ZFHX4: variants seen among roughly 807,000 people sequenced by gnomAD.
ZFHX4 encodes the protein zinc finger homeobox protein 4.
Under a neutral mutation model 267.6 loss-of-function variants are expected in ZFHX4, and 56 were observed. The ratio of observed to expected loss-of-function variants is 0.21; its 90% confidence interval spans 0.17 to 0.26. The LOEUF (loss-of-function observed/expected upper bound fraction) is 0.26. ZFHX4 is among the 10% of genes least tolerant of loss of function. ZFHX4 has a pLI of 1.00. For synonymous variants in ZFHX4, 1,778 were observed against 1,665.6 expected, an observed-to-expected ratio of 1.07 and a Z score of -1.64; for missense variants, 4,332 against 4,420.0, an observed-to-expected ratio of 0.98 and a Z score of 0.56.
Position 76,706,291 on chromosome 8 carries a change from G to A in ZFHX4, c.2203G>A (p.Gly735Ser). The part of the protein sequence containing the change: ...NNVQNLQNGN[G>S]EQVFGHSAPA... ...TGTTCAGAATCTCCAAAATGGCAAT[G>A]GTGAGCAGGTGTTTGGCCACTCTGC... Residue 735 changes from glycine to serine, a missense_variant, in exon 2 of 11, where the codon GGT (glycine) becomes AGT (serine). Gly to Ser is a moderately conservative substitution (Grantham distance 56). Around this residue, in one of 7 missense-constraint regions of ZFHX4, gnomAD observed 1,195 missense variants for 1,173.6 expected, o/e 1.02. Coordinates refer to ENST00000651372, the MANE Select transcript of ZFHX4 (RefSeq NM_024721.5). 6.2e-7 allele frequency: 1 copy of A among 1,614,092 alleles called. No homozygotes were observed.
chr8:76,752,374 G>A (rs1369697810), intron 3 of ZFHX4, among the ~76,000 whole-genome samples: 1 of 150,488 alleles, frequency 6.6e-6, no homozygotes, highest in East Asian at 1.9e-4. Context: ...AGGTGCAGTG[G>A]CTCACACCTG....
Position 76,854,260 on chromosome 8 carries a change from C to T in ZFHX4, c.7339C>T (p.Gln2447Ter). ...DPPQASTAQP[Q>*]PQPQPPKQPQ... ...ACCACAGGCATCCACAGCCCAGCCA[C>T]AGCCACAGCCACAGCCACCAAAACA... Residue 2447 changes from glutamine to a stop codon, truncating the protein, a stop_gained, in exon 10 of 11, where the codon CAG (glutamine) becomes TAG (stop). Coordinates refer to ENST00000651372, the MANE Select transcript of ZFHX4 (RefSeq NM_024721.5). LOFTEE classifies it high-confidence loss of function. The T allele has an allele frequency of 6.3e-7, 1 of 1,578,410 alleles. No homozygotes were observed. Among genetic ancestry groups the T allele is most frequent in the Non-Finnish European group, 8.6e-7 (1 of 1,162,226 alleles).
At chr8:76,746,848 T>C (rs549074872) in intron 3 of ZFHX4, among the ~76,000 whole-genome samples, 31 of 152,318 alleles carry the variant, frequency 2.0e-4, no homozygotes, top group Non-Finnish European at 4.3e-4. Context: ...CATTTCACCC[T>C]GCTGATGGTC....
intron 4 of ZFHX4, among the ~76,000 whole-genome samples, chr8:76,799,263 CAATT>C (rs1355196267): frequency 6.6e-6 from 1 of 152,144 alleles, no homozygotes; most frequent in Non-Finnish European, 1.5e-5. Context: ...TTTTCAGCAT[CAATT>C]AATTTTCTTC....
rs1179498991 is a variant in ZFHX4, at chr8:76,704,075, A to C, written c.-14A>C. On this transcript the variant is annotated 5_prime_UTR_variant, in exon 2 of 11. An upstream start codon of the reference 5' UTR is lost. Coordinates refer to ENST00000651372, the MANE Select transcript of ZFHX4 (RefSeq NM_024721.5). ...ACAGGCTGGATGAAATGAGATCCCC[A>C]TGTAGCAATTGCCATGGAAACCTGT... 6.3e-7 allele frequency: 1 copy of C among 1,592,726 alleles called. No homozygotes were observed. Among genetic ancestry groups the C allele is most frequent in the Non-Finnish European group, 8.5e-7 (1 of 1,169,686 alleles).
chr8:76,850,056 T>A (rs1037666119), intron 8 of ZFHX4, 189 bp from the exon 9 acceptor site: 7 of 589,780 alleles, frequency 1.2e-5, no homozygotes, highest in Non-Finnish European at 2.1e-5. Flanking sequence ...ATAATAATAA[T>A]AATACAACAT....
chr8:76,864,658 C>A lies in ZFHX4; in HGVS notation c.*93C>A. 1 of 903,740 alleles carries A rather than the reference C, an allele frequency of 1.1e-6. No homozygotes were observed. The highest frequency in any genetic ancestry group is 1.6e-6 in the Non-Finnish European group (1 of 622,906). The allele number at this position is 903,740 out of a possible 1,614,324, so 56.0% of individuals were successfully genotyped here. A position where few individuals can be genotyped will look rare whatever the true frequency, so the allele number is the denominator to read the frequency against. On this transcript the variant is annotated 3_prime_UTR_variant, in exon 11 of 11. Transcript: ENST00000651372. Reference sequence around the variant, plus strand: ...ACTGCAGTTCCAAAGCTTCTCTAACCCAAAAATTACAGTACCAAATGATTG... The same window carrying A: ...ACTGCAGTTCCAAAGCTTCTCTAACACAAAAATTACAGTACCAAATGATTG...
At chr8:76,849,453 A>G in intron 7 of ZFHX4, 59 bp from the exon 8 acceptor site, 1 of 1,455,324 alleles carries the variant, frequency 6.9e-7, no homozygotes, top group Non-Finnish European at 9.6e-7. Flanking sequence ...TACAACTACT[A>G]TGTATCAAAT....
At chr8:76,769,681 A>G (rs1810208861) in intron 3 of ZFHX4, among the ~76,000 whole-genome samples, 1 of 152,124 alleles carries the variant, frequency 6.6e-6, no homozygotes, top group Non-Finnish European at 1.5e-5. Flanking sequence ...TATTGGGACA[A>G]TTTCACTTGG....
chr8:76,826,943 C>T (rs572778282), intron 4 of ZFHX4, among the ~76,000 whole-genome samples: 1 of 152,248 alleles, frequency 6.6e-6, no homozygotes, highest in East Asian at 1.9e-4. Context: ...CAAACAAAGG[C>T]TATTATTGGG....
intron 3 of ZFHX4, among the ~76,000 whole-genome samples, chr8:76,724,422 G>GT (rs1193859273): frequency 6.6e-6 from 1 of 152,018 alleles, no homozygotes; most frequent in Non-Finnish European, 1.5e-5. Flanking sequence ...CTCTTTCCAA[G>GT]TAAGTCATTG....
rs1809387750 is a variant in ZFHX4 at position 76,743,942 on chromosome 8, AT to A, written c.3094-34265del. 2.0e-5 allele frequency among the ~76,000 whole-genome samples: 3 copies of A among 152,192 alleles called. No homozygotes were observed. The South Asian group carries it at 6.2e-4, about 31-fold the overall frequency. On this transcript the variant is annotated intron_variant, in intron 3 of 10. Transcript: ENST00000651372. The stretch of plus-strand genomic sequence containing the variant: ...GAAGAAAGAGTTTGGCCTATTTTAA[AT>A]ATTGCAGTATTGATTGAATATAGCT...
intron 3 of ZFHX4, among the ~76,000 whole-genome samples, chr8:76,731,228 T>C (rs1459364958): frequency 3.3e-5 from 5 of 152,144 alleles, no homozygotes; most frequent in Non-Finnish European, 5.9e-5. Flanking sequence ...TCAGACCCTG[T>C]ATATGTAAAA....
intron 4 of ZFHX4, among the ~76,000 whole-genome samples, chr8:76,830,378 A>G (rs908326243): frequency 9.2e-5 from 14 of 152,242 alleles, no homozygotes; most frequent in African/African-American, 3.4e-4. Flanking sequence ...GGGCTGGAGA[A>G]CACAAATTAG....
At chr8:76,791,507 C>T (rs944064358) in intron 4 of ZFHX4, among the ~76,000 whole-genome samples, 4 of 152,046 alleles carry the variant, frequency 2.6e-5, no homozygotes, top group Non-Finnish European at 4.4e-5. Flanking sequence ...TATTGGCATA[C>T]CAAATTTGAG....
chr8:76,854,890 C>A lies in ZFHX4; in HGVS notation c.7969C>A (p.Arg2657=), dbSNP rs780896464. 4.4e-5 allele frequency: 71 copies of A among 1,612,650 alleles called. No individual in the cohort carries two copies. In the Admixed American group the frequency reaches 1.1e-3, roughly 25 times the overall value. The change falls in exon 10 of 11, where the codon CGA becomes AGA. Residue 2657 remains arginine (R), a synonymous_variant. Coordinates refer to ENST00000651372, the MANE Select transcript of ZFHX4 (RefSeq NM_024721.5). ...RVVQVWFQNT[R]ARERKGQFRA... ...CGTGCAAGTCTGGTTCCAGAATACA[C>A]GAGCGCGGGAGAGGAAAGGCCAGTT... is the stretch of plus-strand genomic sequence containing the variant.
At chr8:76,818,885 C>A (rs528150072) in intron 4 of ZFHX4, among the ~76,000 whole-genome samples, 33 of 152,112 alleles carry the variant, frequency 2.2e-4, no homozygotes, top group Middle Eastern at 3.4e-3. Flanking sequence ...ACACTGCACT[C>A]CAGCCTAGGT....
intron 4 of ZFHX4, among the ~76,000 whole-genome samples, chr8:76,821,820 T>C (rs1430105402): frequency 6.6e-6 from 1 of 152,216 alleles, no homozygotes; most frequent in Non-Finnish European, 1.5e-5. Flanking sequence ...GGTTGTAGAC[T>C]GCTACAGTGC....
intron 3 of ZFHX4, among the ~76,000 whole-genome samples, chr8:76,738,284 A>G (rs954444197): frequency 2.6e-5 from 4 of 152,176 alleles, no homozygotes; most frequent in Non-Finnish European, 4.4e-5. Flanking sequence ...GTGCTCACAC[A>G]GTTATGCTGA....
Sources: gnomAD v4.1 joint callset for allele counts (sites outside exome capture counted in the v4.1 genomes callset) on GRCh38, gnomAD v4.1.1 for gene constraint, gnomAD v4.1.1 regional missense constraint, MANE v1.5 for transcripts, NCBI Gene and HGNC (gene_info 2026-07-23, HGNC 2026-07-21) for gene names.